The following KLF8 variants were observed in gnomAD, a reference collection of about 807,000 sequenced individuals.
The protein encoded by KLF8 is Krueppel-like factor 8.
A neutral mutation model predicts 18.2 loss-of-function variants in KLF8; 10 were observed. That is an observed-to-expected ratio of 0.55 (90% CI 0.34 to 0.93). The LOEUF (loss-of-function observed/expected upper bound fraction) is 0.93. Ranked by LOEUF, KLF8 falls within the 40% of genes least tolerant of loss-of-function variation. KLF8 has a pLI of 0.02. For missense variants in KLF8, 264 were observed against 277.9 expected (o/e 0.95, Z 0.36); for synonymous variants, 109 against 97.3 (o/e 1.12, Z -0.71).
chrX:56,235,827 G>C (rs2066467828), intron 1 of KLF8, among the ~76,000 whole-genome samples: 1 of 111,968 alleles, frequency 8.9e-6, no homozygotes, highest in African/African-American at 3.2e-5. Flanking sequence ...ATAATGTAAG[G>C]AAAGCATTGA....
the KLF8 span, among the ~76,000 whole-genome samples, chrX:55,973,097 TAACA>T: frequency 8.9e-6 from 1 of 111,936 alleles, no homozygotes; most frequent in Non-Finnish European, 1.9e-5. Context: ...AAAATTTCAA[TAACA>T]AACAATGAAT....
rs1253730216 is a variant in KLF8 at position 56,290,509 on chromosome X, A to G, written c.*6015A>G. Among the ~76,000 whole-genome samples the G allele has an allele frequency of 9.0e-6, 1 of 111,419 alleles. No homozygotes were observed. Among genetic ancestry groups the G allele is most frequent in the Non-Finnish European group, 1.9e-5 (1 of 53,028 alleles). On this transcript the variant is annotated 3_prime_UTR_variant, in exon 6 of 6. Coordinates refer to ENST00000468660, the MANE Select transcript of KLF8 (RefSeq NM_007250.5). ...TATCTTCTTTGTTACTAACAATACG[A>G]TTATCATCTGTTTCCATACTTGAAA...
the KLF8 span, among the ~76,000 whole-genome samples, chrX:55,942,954 C>T: frequency 9.0e-6 from 1 of 111,645 alleles, no homozygotes; most frequent in Admixed American, 9.6e-5. Context: ...TGCCTGTGAC[C>T]TGTCCGGAGA....
At chrX:56,160,988 T>C in the KLF8 span, among the ~76,000 whole-genome samples, 1 of 111,598 alleles carries the variant, frequency 9.0e-6, no homozygotes, top group Admixed American at 9.6e-5. Flanking sequence ...CTAGCCTCGA[T>C]GGTCTTTACA....
chrX:56,101,125 C>G, the KLF8 span, among the ~76,000 whole-genome samples: 3 of 111,140 alleles, frequency 2.7e-5, no homozygotes, highest in African/African-American at 9.8e-5. Flanking sequence ...CTCTCCCATA[C>G]TTTTTCCTCT....
the KLF8 span, among the ~76,000 whole-genome samples, chrX:56,030,816 G>C: frequency 9.2e-6 from 1 of 108,580 alleles, no homozygotes; most frequent in Non-Finnish European, 1.9e-5. Flanking sequence ...AACTTTAGGG[G>C]CTGGCTTCTG....
At chrX:56,156,387 C>A in the KLF8 span, among the ~76,000 whole-genome samples, 1 of 110,148 alleles carries the variant, frequency 9.1e-6, no homozygotes, top group Non-Finnish European at 1.9e-5. Flanking sequence ...TCCCTCCTCT[C>A]ACCATCCACC....
At chrX:56,266,105 A>T in intron 3 of KLF8, 4 of 779,336 alleles carry the variant, frequency 5.1e-6, no homozygotes, top group Non-Finnish European at 6.1e-6. Context: ...CACATGCTTC[A>T]AAAATAGTTG....
At chrX:56,135,529 C>T in the KLF8 span, among the ~76,000 whole-genome samples, 1 of 110,028 alleles carries the variant, frequency 9.1e-6, no homozygotes, top group Non-Finnish European at 1.9e-5. Flanking sequence ...GGAAGGGGAA[C>T]ATCACACTCT....
chrX:56,259,560 A>G (rs2066855777), intron 2 of KLF8, among the ~76,000 whole-genome samples: 1 of 110,568 alleles, frequency 9.0e-6, no homozygotes, highest in South Asian at 3.9e-4. Flanking sequence ...CATGAAACAT[A>G]CATAGAAAAC....
the KLF8 span, among the ~76,000 whole-genome samples, chrX:56,087,886 T>C: frequency 8.9e-6 from 1 of 111,785 alleles, no homozygotes; most frequent in Non-Finnish European, 1.9e-5. Context: ...AAATAGTTAT[T>C]GGTTAATTGG....
intron 1 of KLF8, among the ~76,000 whole-genome samples, chrX:56,241,431 T>C (rs904156748): frequency 3.6e-5 from 4 of 111,752 alleles, no homozygotes; most frequent in African/African-American, 9.8e-5. Context: ...CCTCCCAAAG[T>C]GCTAGGACTA....
At chrX:56,024,021 C>T in the KLF8 span, among the ~76,000 whole-genome samples, 2 of 111,357 alleles carry the variant, frequency 1.8e-5, no homozygotes, top group African/African-American at 6.5e-5. Flanking sequence ...AGGATATATA[C>T]ATTTTAATAT....
chrX:56,086,079 C>A, the KLF8 span, among the ~76,000 whole-genome samples: 3 of 111,806 alleles, frequency 2.7e-5, no homozygotes, highest in Admixed American at 9.5e-5. Flanking sequence ...TTACAGAAAA[C>A]CAAGGACATC....
chrX:56,033,904 G>A, the KLF8 span, among the ~76,000 whole-genome samples: 1 of 111,955 alleles, frequency 8.9e-6, no homozygotes, highest in Non-Finnish European at 1.9e-5. Flanking sequence ...GAATACCTTT[G>A]TTTGAATACC....
intron 2 of KLF8, among the ~76,000 whole-genome samples, chrX:56,261,710 T>C (rs2066885002): frequency 9.0e-6 from 1 of 111,159 alleles, no homozygotes; most frequent in Non-Finnish European, 1.9e-5. Context: ...TTTTTAACCA[T>C]AGGGAGGGTT....
At chrX:55,920,728 A>G in the KLF8 span, among the ~76,000 whole-genome samples, 2 of 111,590 alleles carry the variant, frequency 1.8e-5, no homozygotes, top group African/African-American at 6.5e-5. Flanking sequence ...ACAAAGAAAA[A>G]AGAATTTTAA....
At chrX:56,284,059 A>G (rs1278989598) in intron 5 of KLF8, among the ~76,000 whole-genome samples, 1 of 112,321 alleles carries the variant, frequency 8.9e-6, no homozygotes, top group Non-Finnish European at 1.9e-5. Flanking sequence ...AGATAAGTAT[A>G]TAGGTAATAT....
At chrX:56,022,892 T>C in the KLF8 span, among the ~76,000 whole-genome samples, 1 of 111,358 alleles carries the variant, frequency 9.0e-6, no homozygotes, top group African/African-American at 3.3e-5. Flanking sequence ...TGGAGCCATT[T>C]GTCAGAAATA....
Sources: gnomAD v4.1 joint callset for allele counts (sites outside exome capture counted in the v4.1 genomes callset) on GRCh38, gnomAD v4.1.1 for gene constraint, MANE v1.5 for transcripts, NCBI Gene and HGNC (gene_info 2026-07-23, HGNC 2026-07-21) for gene names.